The following ADCY1 variants were observed in gnomAD, a reference collection of about 807,000 sequenced individuals.
ADCY1 encodes the protein adenylate cyclase type 1.
A neutral mutation model predicts 105.4 loss-of-function variants in ADCY1; 28 were observed. The ratio of observed to expected loss-of-function variants is 0.27; its 90% CI spans 0.20 to 0.36. ADCY1 has a LOEUF of 0.36. ADCY1 is among the 10% of genes least tolerant of loss of function. ADCY1 has a pLI of 1.00. For missense variants in ADCY1, 977 were observed against 1,434.2 expected (o/e 0.68, Z 5.15); for synonymous variants, 655 against 623.8 (o/e 1.05, Z -0.75).
Position 45,721,677 on chromosome 7 carries a change from G to A in ADCY1, c.*7682G>A, listed in dbSNP as rs943834882. On this transcript the variant is annotated 3_prime_UTR_variant, in exon 20 of 20. Coordinates refer to ENST00000297323, the MANE Select transcript of ADCY1 (RefSeq NM_021116.4). ...ATATGCTGCTGGTGAGGTAAAGGTG[G>A]GTCCGGGTGCCTTCCCAGGGGTTAG... 7 of 398,464 alleles carry A rather than the reference G, an allele frequency of 1.8e-5. No individual in the cohort carries two copies. The highest frequency in any genetic ancestry group is 1.2e-4 in the African/African-American group (6 of 48,588). The allele number at this position is 398,464 out of a possible 1,614,324, so 24.7% of individuals were successfully genotyped here.
intron 4 of ADCY1, among the ~76,000 whole-genome samples, chr7:45,636,436 C>A (rs1584291183): frequency 6.6e-6 from 1 of 152,198 alleles, no homozygotes; most frequent in East Asian, 1.9e-4. Context: ...CCTTGATAGG[C>A]CTAACTACAT....
intron 5 of ADCY1, among the ~76,000 whole-genome samples, chr7:45,651,938 C>CT (rs1350872168): frequency 6.6e-6 from 1 of 152,162 alleles, no homozygotes; most frequent in Non-Finnish European, 1.5e-5. Context: ...TGTTGTCACA[C>CT]TGCTATAAAG....
chr7:45,578,293 C>T (rs906323779), intron 1 of ADCY1, among the ~76,000 whole-genome samples: 2 of 152,124 alleles, frequency 1.3e-5, no homozygotes, highest in South Asian at 2.1e-4. Flanking sequence ...CTACCTGGGC[C>T]GGCACTGAGG....
intron 2 of ADCY1, among the ~76,000 whole-genome samples, chr7:45,600,306 G>T (rs1347708070): frequency 6.6e-6 from 1 of 152,198 alleles, no homozygotes; most frequent in Non-Finnish European, 1.5e-5. Flanking sequence ...CCTCTGACAG[G>T]GTGAGGGACT....
At chr7:45,692,643 T>G (rs1357712456) in intron 14 of ADCY1, among the ~76,000 whole-genome samples, 1 of 152,218 alleles carries the variant, frequency 6.6e-6, no homozygotes, top group African/African-American at 2.4e-5. Flanking sequence ...TACTGTATTG[T>G]GTACTTGAAA....
chr7:45,654,880 A>C (rs1224235647), intron 5 of ADCY1, among the ~76,000 whole-genome samples: 1 of 152,108 alleles, frequency 6.6e-6, no homozygotes, highest in African/African-American at 2.4e-5. Context: ...CTAGGTAGGG[A>C]AGGGAGGAGC....
chr7:45,634,213 G>A (rs191463747), intron 4 of ADCY1, among the ~76,000 whole-genome samples: 142 of 152,116 alleles, frequency 9.3e-4, no homozygotes, highest in African/African-American at 2.7e-3. Flanking sequence ...TCCCGCTTGG[G>A]TGCCTTTTAT....
chr7:45,601,112 A>C (rs1448262082), intron 2 of ADCY1, among the ~76,000 whole-genome samples: 6 of 152,198 alleles, frequency 3.9e-5, no homozygotes, highest in Non-Finnish European at 1.5e-5. Context: ...GTGTGCCTGG[A>C]CTGGTGAGTG....
rs1293734325 is a variant in ADCY1, at chr7:45,703,484, C to A, written c.2563C>A (p.Arg855=). 6.2e-7 allele frequency: 1 copy of A among 1,614,110 alleles called. No homozygotes were observed. The highest frequency in any genetic ancestry group is 1.7e-5 in the Admixed American group (1 of 60,018). Residue 855 remains arginine, a synonymous_variant, in exon 15 of 20, where the codon CGG becomes AGG. Transcript: ENST00000297323. This position sits in a 1 kb window ranked among gnomAD's most constrained non-coding sequence, Gnocchi z 5.9. ...VAQHFLMSNP[R]NMDLYYQSYS... ...CCAGCACTTCCTCATGTCCAACCCTCGGAACATGGTGAGCACCCAGCCTGC... is the reference window on the plus strand; with the variant it reads ...CCAGCACTTCCTCATGTCCAACCCTAGGAACATGGTGAGCACCCAGCCTGC...
At chr7:45,663,441 G>A (rs1795183119) in intron 8 of ADCY1, among the ~76,000 whole-genome samples, 1 of 152,196 alleles carries the variant, frequency 6.6e-6, no homozygotes, top group African/African-American at 2.4e-5. Context: ...GCTCATTCAG[G>A]GGTGTGGGAG....
At chr7:45,596,336 C>T (rs2115796620) in intron 2 of ADCY1, among the ~76,000 whole-genome samples, 1 of 150,772 alleles carries the variant, frequency 6.6e-6, no homozygotes, top group South Asian at 2.1e-4. Context: ...GGGGGATGCA[C>T]TGAGGTTCTG....
rs1436472671 is a variant in ADCY1 at position 45,713,685 on chromosome 7, A to G, written c.3058-8A>G. 1 of 778,250 alleles carries G rather than the reference A, an allele frequency of 1.3e-6. No individual in the cohort carries two copies. The highest frequency in any genetic ancestry group is 1.3e-5 in the South Asian group (1 of 74,280). 48.2% of individuals were successfully genotyped at this position (778,250 alleles called of 1,614,324 possible). Reference sequence around the variant, plus strand: ...CCTGAAGTAACACTCACTTCTCTCCATCAACAGGTGACTGAGGAAGTCCAC... The same window carrying G: ...CCTGAAGTAACACTCACTTCTCTCCGTCAACAGGTGACTGAGGAAGTCCAC... On this transcript the variant is annotated splice_polypyrimidine_tract_variant and splice_region_variant and intron_variant, in intron 19 of 19. Coordinates refer to ENST00000297323, the MANE Select transcript of ADCY1 (RefSeq NM_021116.4).
intron 14 of ADCY1, among the ~76,000 whole-genome samples, chr7:45,693,547 C>T (rs920001649): frequency 1.3e-5 from 2 of 149,820 alleles, no homozygotes; most frequent in African/African-American, 2.5e-5. Flanking sequence ...TCAACTTCTT[C>T]CTGGTTTAGT....
intron 2 of ADCY1, among the ~76,000 whole-genome samples, chr7:45,599,329 G>A (rs1387003968): frequency 1.3e-5 from 2 of 151,940 alleles, no homozygotes; most frequent in African/African-American, 2.4e-5. Context: ...ATGCTGAGGC[G>A]TCTTGTTCCC....
intron 1 of ADCY1, among the ~76,000 whole-genome samples, chr7:45,592,307 A>G (rs1382502583): frequency 6.6e-6 from 1 of 152,122 alleles, no homozygotes; most frequent in African/African-American, 2.4e-5. Context: ...GGCTACAGAC[A>G]GCCGCCTTCC....
At chr7:45,576,703 C>T (rs999003754) in intron 1 of ADCY1, among the ~76,000 whole-genome samples, 4 of 152,102 alleles carry the variant, frequency 2.6e-5, no homozygotes, top group Admixed American at 6.5e-5. Context: ...CTCCACCCCC[C>T]ATCTGTCTGT....
At chr7:45,700,233 C>T (rs1376702206) in intron 14 of ADCY1, among the ~76,000 whole-genome samples, 2 of 152,208 alleles carry the variant, frequency 1.3e-5, no homozygotes, top group Non-Finnish European at 2.9e-5. Flanking sequence ...CCCTGAATCT[C>T]AGGATTCATC....
rs1381266797 is a variant in ADCY1 at position 45,708,240 on chromosome 7, C to CT, written c.2818-109dup. ...TGATAAATGTGCCTATAGCCAGGCA[C>CT]TCAGAGTGCCTTCCTCTGAAAGTGC... On this transcript the variant is annotated intron_variant, in intron 17 of 19. Transcript: ENST00000297323. This position sits in a 1 kb window ranked among gnomAD's most constrained non-coding sequence, Gnocchi z 4.7. 7.2e-6 allele frequency: 5 copies of CT among 695,906 alleles called. No homozygotes were observed. The Admixed American group carries it at 1.2e-4, about 16-fold the overall frequency. The allele number at this position is 695,906 out of a possible 1,614,324, so 43.1% of individuals were successfully genotyped here. A position where few individuals can be genotyped will look rare whatever the true frequency, so the allele number is the denominator to read the frequency against.
intron 18 of ADCY1, among the ~76,000 whole-genome samples, chr7:45,709,391 T>C (rs188088253): frequency 6.6e-6 from 1 of 152,338 alleles, no homozygotes; most frequent in East Asian, 1.9e-4. Flanking sequence ...GCAGTGGGGC[T>C]GGACAAGGAT....
Sources: allele counts gnomAD v4.1 joint callset (sites outside exome capture counted in the v4.1 genomes callset), GRCh38; gene constraint gnomAD v4.1.1; non-coding constraint Gnocchi (gnomAD v3.1); transcripts MANE v1.5; gene names NCBI Gene and HGNC (gene_info 2026-07-23, HGNC 2026-07-21).